The following HIRA variants were observed in gnomAD, a reference collection of about 807,000 sequenced individuals.
HIRA encodes the protein histone cell cycle regulator.
HIRA carries 13 observed loss-of-function variants against 126.6 expected under a neutral mutation model. The ratio of observed to expected loss-of-function variants is 0.10; its 90% CI spans 0.07 to 0.16. The LOEUF is 0.16. HIRA is among the 10% of genes least tolerant of loss of function. HIRA has a pLI of 1.00. For missense variants in HIRA, 834 were observed against 1,314.4 expected (o/e 0.63, Z 5.65); for synonymous variants, 511 against 520.0 (o/e 0.98, Z 0.24).
At chr22:19,391,243 A>G (rs2089178481) in intron 9 of HIRA, among the ~76,000 whole-genome samples, 1 of 152,212 alleles carries the variant, frequency 6.6e-6, no homozygotes, top group Non-Finnish European at 1.5e-5. Context: ...ATGAAGACAC[A>G]AAGAAGCAAG....
intron 1 of HIRA, among the ~76,000 whole-genome samples, chr22:19,428,032 T>G (rs539908868): frequency 6.6e-6 from 1 of 152,334 alleles, no homozygotes; most frequent in African/African-American, 2.4e-5. Context: ...ATAGCTATTA[T>G]ATTTCAATTT....
rs374796133 is a variant in HIRA at position 19,331,410 on chromosome 22, C to T, written c.*30G>A. On this transcript the variant is annotated 3_prime_UTR_variant, in exon 25 of 25. Transcript: ENST00000263208. ...TCAGCGGCGAGAGTGTGGCCCTGCCCTTGCTGCAGCCAGGGCAGGCTGGGG... is the reference window on the plus strand; with the variant it reads ...TCAGCGGCGAGAGTGTGGCCCTGCCTTTGCTGCAGCCAGGGCAGGCTGGGG... 2 of 1,613,282 alleles carry T rather than the reference C, an allele frequency of 1.2e-6. No homozygotes were observed. The highest frequency in any genetic ancestry group is 1.7e-6 in the Non-Finnish European group (2 of 1,179,934).
chr22:19,375,099 T>G (rs575124142), intron 15 of HIRA, among the ~76,000 whole-genome samples: 33 of 152,212 alleles, frequency 2.2e-4, no homozygotes, highest in Middle Eastern at 3.4e-3. Context: ...CTGCGTGATG[T>G]CACAGCTGTG....
intron 15 of HIRA, among the ~76,000 whole-genome samples, chr22:19,373,180 TTTGAG>T (rs771360909): frequency 2.0e-5 from 3 of 152,350 alleles, no homozygotes; most frequent in Middle Eastern, 3.4e-3. Flanking sequence ...TTTGTTCCCT[TTTGAG>T]TTAATTTTTG....
At chr22:19,411,735 A>G (rs1391920136) in intron 1 of HIRA, among the ~76,000 whole-genome samples, 1 of 152,194 alleles carries the variant, frequency 6.6e-6, no homozygotes, top group East Asian at 1.9e-4. Context: ...TTAATTGAAC[A>G]TGTTCTGTCT....
At chr22:19,333,761 T>C (rs1471136047) in intron 24 of HIRA, among the ~76,000 whole-genome samples, 3 of 152,242 alleles carry the variant, frequency 2.0e-5, no homozygotes, top group African/African-American at 7.2e-5. Flanking sequence ...TCTTAGACTC[T>C]GTTTGCTTTT....
At chr22:19,392,332 G>T (rs2146225978) in intron 8 of HIRA, 118 bp from the exon 9 acceptor site, 1 of 579,176 alleles carries the variant, frequency 1.7e-6, no homozygotes, top group Non-Finnish European at 3.1e-6. Flanking sequence ...CCCAGGCACT[G>T]AGCATGCATT....
intron 1 of HIRA, 54 bp from the exon 2 acceptor site, chr22:19,410,832 G>A: frequency 7.1e-7 from 1 of 1,406,692 alleles, no homozygotes; most frequent in Non-Finnish European, 1.0e-6. Flanking sequence ...ATTCATTGAA[G>A]TGTATCAAAC....
intron 13 of HIRA, among the ~76,000 whole-genome samples, chr22:19,378,645 T>C (rs901682577): frequency 6.6e-6 from 1 of 152,252 alleles, no homozygotes; most frequent in African/African-American, 2.4e-5. Context: ...CAGTCATGTC[T>C]GCAAAATACA....
At chr22:19,335,539 C>G (rs373726459) in intron 24 of HIRA, among the ~76,000 whole-genome samples, 1 of 152,254 alleles carries the variant, frequency 6.6e-6, no homozygotes, top group African/African-American at 2.4e-5. Context: ...GCCACCGCGC[C>G]GAACGAGAAC....
At chr22:19,413,704 C>G (rs1219258270) in intron 1 of HIRA, among the ~76,000 whole-genome samples, 1 of 152,022 alleles carries the variant, frequency 6.6e-6, no homozygotes. Flanking sequence ...CTCCGTCTCC[C>G]AGGTTCACGC....
chr22:19,410,832 G>T, intron 1 of HIRA, 54 bp from the exon 2 acceptor site: 1 of 1,406,690 alleles, frequency 7.1e-7, no homozygotes. Context: ...ATTCATTGAA[G>T]TGTATCAAAC....
At chr22:19,376,864 C>T (rs1347516737) in intron 14 of HIRA, among the ~76,000 whole-genome samples, 1 of 152,182 alleles carries the variant, frequency 6.6e-6, no homozygotes, top group Non-Finnish European at 1.5e-5. Flanking sequence ...AATGGAGAAT[C>T]GCTCTGACGG....
At chr22:19,424,986 C>G (rs1291739033) in intron 1 of HIRA, among the ~76,000 whole-genome samples, 1 of 152,160 alleles carries the variant, frequency 6.6e-6, no homozygotes, top group Non-Finnish European at 1.5e-5. Context: ...AAGAGACTAG[C>G]CTGTCAAGCA....
intron 1 of HIRA, among the ~76,000 whole-genome samples, chr22:19,418,163 T>C (rs941052143): frequency 6.6e-6 from 1 of 152,178 alleles, no homozygotes; most frequent in African/African-American, 2.4e-5. Context: ...GGCTGCACAA[T>C]AATGTGAATT....
Position 19,405,855 on chromosome 22 carries a change from CG to C in HIRA, c.327del (p.Phe109LeufsTer26). The C allele has an allele frequency of 6.6e-7, 1 of 1,506,064 alleles. No individual in the cohort carries two copies. Among genetic ancestry groups the C allele is most frequent in the Admixed American group, 2.1e-5 (1 of 47,610 alleles). The allele number at this position is 1,506,064 out of a possible 1,614,324, so 93.3% of individuals were successfully genotyped here. A position where few individuals can be genotyped will look rare whatever the true frequency, so the allele number is the denominator to read the frequency against. ...RATYIGPSTV[F>X]GSSGKLANVE... ...ACATTGGCAAGCTTACCACTGGAGCCGAACACGGTGCTGGGGCCGATGTACC... is the reference window on the plus strand; with the variant it reads ...ACATTGGCAAGCTTACCACTGGAGCCAACACGGTGCTGGGGCCGATGTACC... On this transcript the variant is annotated frameshift_variant, in exon 5 of 25. Coordinates refer to ENST00000263208, the MANE Select transcript of HIRA (RefSeq NM_003325.4). LOFTEE classifies it high-confidence loss of function.
At chr22:19,387,629 G>A (rs1479158052) in intron 11 of HIRA, 82 bp downstream of exon 11, 2 of 911,690 alleles carry the variant, frequency 2.2e-6, no homozygotes, top group Non-Finnish European at 3.5e-6. Context: ...CTCACAAGAA[G>A]AGGGTGTAGT....
chr22:19,396,955 G>A lies in HIRA; in HGVS notation c.494-8C>T. The A allele has an allele frequency of 6.2e-7, 1 of 1,612,362 alleles. No homozygotes were observed. Among genetic ancestry groups the A allele is most frequent in the Non-Finnish European group, 8.5e-7 (1 of 1,179,398 alleles). On this transcript the variant is annotated splice_region_variant and splice_polypyrimidine_tract_variant and intron_variant, in intron 6 of 24. Coordinates refer to ENST00000263208, the MANE Select transcript of HIRA (RefSeq NM_003325.4). Reference sequence around the variant, plus strand: ...TCAGAGTAGCTAGAATTTCTGTGAAGAAAAAAGGAATGTGGAGAGGTGTTG... The same window carrying A: ...TCAGAGTAGCTAGAATTTCTGTGAAAAAAAAAGGAATGTGGAGAGGTGTTG...
At chr22:19,378,255 T>A (rs2089037759) in intron 13 of HIRA, among the ~76,000 whole-genome samples, 189 bp from the exon 14 acceptor site, 1 of 152,224 alleles carries the variant, frequency 6.6e-6, no homozygotes, top group Non-Finnish European at 1.5e-5. Context: ...AATCTAGGAT[T>A]TACAGGTTCT....
Sources: gnomAD v4.1 joint callset for allele counts (sites outside exome capture counted in the v4.1 genomes callset) on GRCh38, gnomAD v4.1.1 for gene constraint, MANE v1.5 for transcripts, NCBI Gene and HGNC (gene_info 2026-07-23, HGNC 2026-07-21) for gene names.